Variants in ZNF45 observed in about 807,000 individuals in gnomAD.
ZNF45 encodes zinc finger protein 45, also known as BRC1744.
Under a neutral mutation model 12.0 loss-of-function variants are expected in ZNF45, and 4 were observed. That is an observed-to-expected ratio of 0.33 (90% CI 0.16 to 0.76). The LOEUF is 0.76. Among genes scored for constraint, ZNF45 ranks in the 30% least tolerant of loss-of-function variants. ZNF45 has a pLI of 0.60. For synonymous variants in ZNF45, 272 were observed against 279.6 expected, an observed-to-expected ratio of 0.97 and a Z score of 0.27; for missense variants, 700 against 813.0, an observed-to-expected ratio of 0.86 and a Z score of 1.69.
rs1311107934 is a variant in ZNF45 at position 43,913,951 on chromosome 19, T to G, written c.1485A>C (p.Thr495=). The G allele has an allele frequency of 6.2e-7, 1 of 1,602,588 alleles. No homozygotes were observed. Among genetic ancestry groups the G allele is most frequent in the Non-Finnish European group, 8.5e-7 (1 of 1,171,708 alleles). ...TCTCGCATTTATAGGGTTTCTCTCCTGTGTGGATTCTACAGTGTACATTAA... is the reference window on the plus strand; with the variant it reads ...TCTCGCATTTATAGGGTTTCTCTCCGGTGTGGATTCTACAGTGTACATTAA... ...SDLNVHCRIH[T]GEKPYKCERC... Residue 495 remains threonine (T), a synonymous_variant, in exon 10 of 10, where the codon ACA becomes ACC. Coordinates refer to ENST00000269973, the MANE Select transcript of ZNF45 (RefSeq NM_003425.4).
At position 43,925,317 on chromosome 19, in the gene ZNF45, G is replaced by A. The variant is rs444350; in HGVS notation, c.-266+8C>T. 151,526 of 152,308 alleles carry A rather than the reference G, an allele frequency of 0.99. 75,379 individuals carry two copies. Among genetic ancestry groups the A allele is most frequent in the Middle Eastern group, 1 (296 of 296 alleles). 9.4% of individuals were successfully genotyped at this position (152,308 alleles called of 1,614,324 possible). A position where few individuals can be genotyped will look rare whatever the true frequency, so the allele number is the denominator to read the frequency against. ...GTTATAGCAGCACAAATGGACTAAG[G>A]CACTCACGGAGTCTGCAGCTTCACA... On this transcript the variant is annotated splice_region_variant and intron_variant, in intron 4 of 9. Coordinates refer to ENST00000269973, the MANE Select transcript of ZNF45 (RefSeq NM_003425.4).
In ZNF45 at chr19:43,919,690, T is replaced by G. The variant is rs756979146; in HGVS notation, c.25A>C (p.Thr9Pro). The change falls in exon 8 of 10, where the codon ACA becomes CCA. Residue 9 changes from threonine to proline, a missense_variant. Coordinates refer to ENST00000269973, the MANE Select transcript of ZNF45 (RefSeq NM_003425.4). ...AAGACCACAGCCACGTCCTTGAATG[T>G]CACTGCCTCCTACAACATCAAACAC... MTKSKEAV[T>P]FKDVAVVFSE... 1 of 1,611,828 alleles carries G rather than the reference T, an allele frequency of 6.2e-7. No individual in the cohort carries two copies. The highest frequency in any genetic ancestry group is 8.5e-7 in the Non-Finnish European group (1 of 1,178,618).
chr19:43,924,037 T>C (rs1275511185), intron 6 of ZNF45, among the ~76,000 whole-genome samples: 1 of 148,064 alleles, frequency 6.8e-6, no homozygotes, highest in East Asian at 2.0e-4. Context: ...AAAAAGACTA[T>C]CATAGAGACA....
At position 43,922,222 on chromosome 19, in the gene ZNF45, A is replaced by AGAGGGAAGGAGAAAACAT. The variant is rs757264288; in HGVS notation, c.-32-23_-32-6dup. ...CCTTCTGGAGAAGTGCCAAGTCTTA[A>AGAGGGAAGGAGAAAACAT]GAGGGAAGGAGAAAACATGAGGGAA... On this transcript the variant is annotated splice_polypyrimidine_tract_variant and splice_region_variant and intron_variant, in intron 6 of 9. Transcript: ENST00000269973. 6.3e-7 allele frequency: 1 copy of AGAGGGAAGGAGAAAACAT among 1,590,978 alleles called. No individual in the cohort carries two copies. Among genetic ancestry groups the AGAGGGAAGGAGAAAACAT allele is most frequent in the Admixed American group, 1.7e-5 (1 of 57,984 alleles).
intron 9 of ZNF45, 101 bp downstream of exon 9, chr19:43,918,769 A>G (rs1358567309): frequency 1.1e-6 from 1 of 908,326 alleles, no homozygotes; most frequent in Non-Finnish European, 1.7e-6. Flanking sequence ...GGGGAAAAAA[A>G]CTGTTCTAGA....
chr19:43,928,431 C>A (rs1479599290), intron 3 of ZNF45, among the ~76,000 whole-genome samples: 1 of 152,018 alleles, frequency 6.6e-6, no homozygotes, highest in Non-Finnish European at 1.5e-5. Context: ...AGGCTTAATA[C>A]CTGGGTGACA....
intron 6 of ZNF45, among the ~76,000 whole-genome samples, 187 bp downstream of exon 6, chr19:43,924,050 GA>G (rs1234364777): frequency 6.7e-6 from 1 of 149,458 alleles, no homozygotes; most frequent in Non-Finnish European, 1.5e-5. Context: ...TAGAGACAGA[GA>G]AAATTTAATA....
intron 3 of ZNF45, among the ~76,000 whole-genome samples, chr19:43,928,251 A>G (rs1240412625): frequency 6.6e-6 from 1 of 151,986 alleles, no homozygotes; most frequent in Non-Finnish European, 1.5e-5. Flanking sequence ...TATTCTTAGT[A>G]AACTAATACA....
In ZNF45 at chr19:43,913,923, A is replaced by G; in HGVS notation, c.1513T>C (p.Cys505Arg). Residue 505 changes from cysteine to arginine, a missense_variant, in exon 10 of 10, where the codon TGT (cysteine) becomes CGT (arginine). Cys to Arg is a radical substitution (Grantham distance 180, BLOSUM62 -3). Transcript: ENST00000269973. ...GAGAACTGACTGAAGGCCTTACCAC[A>G]CCTCTCGCATTTATAGGGTTTCTCT... is the stretch of plus-strand genomic sequence containing the variant. ...TGEKPYKCER[C>R]GKAFSQFSSL... 2 of 1,601,776 alleles carry G rather than the reference A, an allele frequency of 1.2e-6. No individual in the cohort carries two copies. The highest frequency in any genetic ancestry group is 8.5e-7 in the Non-Finnish European group (1 of 1,171,416).
At chr19:43,920,102 A>T (rs370190) in intron 7 of ZNF45, among the ~76,000 whole-genome samples, 73,834 of 151,834 alleles carry the variant, frequency 0.49, 18,865 homozygotes, top group East Asian at 0.81. Context: ...ACCAATTTTT[A>T]AAAAATCCTA....
At chr19:43,921,909 TG>T (rs1220858289) in intron 7 of ZNF45, among the ~76,000 whole-genome samples, 1 of 152,250 alleles carries the variant, frequency 6.6e-6, no homozygotes, top group African/African-American at 2.4e-5. Flanking sequence ...ACAGTTGTTT[TG>T]TAAGGGAAAC....
intron 3 of ZNF45, among the ~76,000 whole-genome samples, chr19:43,929,473 C>T (rs781274754): frequency 1.4e-4 from 22 of 152,300 alleles, no homozygotes; most frequent in Non-Finnish European, 1.9e-4. Flanking sequence ...CAGCTTTCAC[C>T]GGTGGGAGAA....
Position 43,914,512 on chromosome 19 carries a change from C to T in ZNF45, c.924G>A (p.Glu308=). ...HTGKKPYKCE[E]CGKSFSWRSR... The stretch of plus-strand genomic sequence containing the variant: ...AACGCCAACTGAAGCTCTTCCCACA[C>T]TCTTCACACTTATATGGTTTCTTTC... Residue 308 remains glutamate (E), a synonymous_variant, in exon 10 of 10, where the codon GAG becomes GAA. Transcript: ENST00000269973. 4 of 1,613,158 alleles carry T rather than the reference C, an allele frequency of 2.5e-6. No individual in the cohort carries two copies. The highest frequency in any genetic ancestry group is 3.4e-6 in the Non-Finnish European group (4 of 1,179,294).
chr19:43,925,341 C>G lies in ZNF45; in HGVS notation c.-282G>C, dbSNP rs1305372500. The stretch of plus-strand genomic sequence containing the variant: ...GGCACTCACGGAGTCTGCAGCTTCA[C>G]ATGGCTTGATGATGGGGAAACATGG... On this transcript the variant is annotated 5_prime_UTR_variant, in exon 4 of 10. The change abolishes an upstream ATG in the 5' untranslated region. Coordinates refer to ENST00000269973, the MANE Select transcript of ZNF45 (RefSeq NM_003425.4). The G allele has an allele frequency of 6.6e-6, 1 of 152,220 alleles. No individual in the cohort carries two copies. Among genetic ancestry groups the G allele is most frequent in the African/African-American group, 2.4e-5 (1 of 41,440 alleles). 9.4% of individuals were successfully genotyped at this position (152,220 alleles called of 1,614,324 possible). A position where few individuals can be genotyped will look rare whatever the true frequency, so the allele number is the denominator to read the frequency against.
chr19:43,916,023 C>T (rs567590992), intron 9 of ZNF45, among the ~76,000 whole-genome samples: 5 of 152,214 alleles, frequency 3.3e-5, no homozygotes, highest in South Asian at 2.1e-4. Context: ...TTCACCATGT[C>T]GGTCAGGCTG....
In ZNF45 at chr19:43,920,538, G is replaced by C. The variant is rs114464030; in HGVS notation, c.16-839C>G. On this transcript the variant is annotated intron_variant, in intron 7 of 9. Transcript: ENST00000269973. ...AATGTTTCCAGATGTTGCCGGGTGG[G>C]GGGGGGGGGCAGTGGGCGGTAAAGT... Among the ~76,000 whole-genome samples, 845 of 135,906 alleles carry C rather than the reference G, an allele frequency of 6.2e-3. 60 individuals are homozygous for C. Among genetic ancestry groups the C allele is most frequent in the African/African-American group, 0.021 (772 of 36,322 alleles). The allele number at this position is 135,906 out of a possible 152,430, so 89.2% of individuals were successfully genotyped here.
intron 8 of ZNF45, 103 bp downstream of exon 8, chr19:43,919,470 T>C (rs1299433926): frequency 7.2e-7 from 1 of 1,382,616 alleles, no homozygotes; most frequent in Non-Finnish European, 9.7e-7. Context: ...GATGGATGAT[T>C]AGAAAACTGA....
chr19:43,929,468 T>C (rs1490928705), intron 3 of ZNF45, among the ~76,000 whole-genome samples: 1 of 152,202 alleles, frequency 6.6e-6, no homozygotes, highest in Non-Finnish European at 1.5e-5. Context: ...GCAAGCAGCT[T>C]TCACCGGTGG....
intron 3 of ZNF45, among the ~76,000 whole-genome samples, chr19:43,930,723 C>T (rs936570705): frequency 3.9e-5 from 6 of 152,154 alleles, no homozygotes; most frequent in African/African-American, 1.4e-4. Flanking sequence ...TCCCTTAGAT[C>T]AGTGCTGTCC....
Sources: gnomAD v4.1 joint callset for allele counts (sites outside exome capture counted in the v4.1 genomes callset) on GRCh38, gnomAD v4.1.1 for gene constraint, MANE v1.5 for transcripts, NCBI Gene and HGNC (gene_info 2026-07-23, HGNC 2026-07-21) for gene names.